The following NSD3 variants were observed in gnomAD, a reference collection of about 807,000 sequenced individuals.
NSD3 encodes the protein nuclear receptor binding SET domain protein 3.
In NSD3, 24 loss-of-function variants were observed where a neutral mutation model predicts 160.8. The observed-to-expected ratio is 0.15, with a 90% confidence interval of 0.11 to 0.21. The LOEUF is 0.21. Ranked by LOEUF, NSD3 falls within the 10% of genes least tolerant of loss-of-function variation. NSD3 has a pLI of 1.00. For missense variants in NSD3, 1,157 were observed against 1,735.9 expected, an observed-to-expected ratio of 0.67 and a Z score of 5.93; for synonymous variants, 520 against 600.0, an observed-to-expected ratio of 0.87 and a Z score of 1.95.
At chr8:38,372,799 G>T (rs1364584279) in intron 1 of NSD3, among the ~76,000 whole-genome samples, 1 of 149,268 alleles carries the variant, frequency 6.7e-6, no homozygotes, top group East Asian at 2.0e-4. Flanking sequence ...CCCGGCCGCA[G>T]GTTCTTACTA....
At chr8:38,366,602 C>T (rs556113136) in intron 1 of NSD3, among the ~76,000 whole-genome samples, 3 of 151,752 alleles carry the variant, frequency 2.0e-5, no homozygotes, top group African/African-American at 2.4e-5. Flanking sequence ...TTAGTAGAGA[C>T]GGGGTTTCAC....
In NSD3 at chr8:38,319,750, G is replaced by A. The variant is rs1809753969; in HGVS notation, c.1810-810C>T. On this transcript the variant is annotated intron_variant, in intron 8 of 23. Coordinates refer to ENST00000317025, the MANE Select transcript of NSD3 (RefSeq NM_023034.2). The surrounding 1 kb of genome is among the most constrained non-coding windows in gnomAD (Gnocchi z 4.1). ...CACATTTTGTAAATATTTAAGGATTGTTCTAAGCTTTTTAAAAAAAATTTT... is the reference window on the plus strand; with the variant it reads ...CACATTTTGTAAATATTTAAGGATTATTCTAAGCTTTTTAAAAAAAATTTT... 6.6e-6 allele frequency: 1 copy of A among 152,020 alleles called. No homozygotes were observed. The highest frequency in any genetic ancestry group is 6.6e-5 in the Admixed American group (1 of 15,258). The allele number at this position is 152,020 out of a possible 1,614,324, so 9.4% of individuals were successfully genotyped here.
At chr8:38,345,005 T>G (rs1251792758) in intron 2 of NSD3, among the ~76,000 whole-genome samples, 1 of 152,130 alleles carries the variant, frequency 6.6e-6, no homozygotes, top group Non-Finnish European at 1.5e-5. Context: ...AAACATTAAT[T>G]TATACACATC....
At chr8:38,338,109 G>T (rs1394188474) in intron 3 of NSD3, among the ~76,000 whole-genome samples, 2 of 152,058 alleles carry the variant, frequency 1.3e-5, no homozygotes, top group Non-Finnish European at 2.9e-5. Context: ...AGACCAGCCT[G>T]GCCAACACAG....
At chr8:38,333,138 C>A (rs977848215) in intron 4 of NSD3, among the ~76,000 whole-genome samples, 4 of 152,120 alleles carry the variant, frequency 2.6e-5, no homozygotes, top group African/African-American at 9.7e-5. Context: ...AAACATAGTA[C>A]ATAATGTTTC....
At chr8:38,378,330 CCT>C (rs1811448632) in intron 1 of NSD3, among the ~76,000 whole-genome samples, 1 of 151,870 alleles carries the variant, frequency 6.6e-6, no homozygotes, top group African/African-American at 2.4e-5. Flanking sequence ...ATAGTGAAAC[CCT>C]GTCTCTACTA....
intron 22 of NSD3, among the ~76,000 whole-genome samples, chr8:38,277,822 T>C (rs1808635344): frequency 6.6e-6 from 1 of 152,148 alleles, no homozygotes; most frequent in Non-Finnish European, 1.5e-5. Context: ...TGAAACAAGC[T>C]TCCTTGGAAA....
In NSD3 at chr8:38,275,100, G is replaced by C. The variant is rs553946561; in HGVS notation, c.*541C>G. The C allele has an allele frequency of 7.9e-4, 185 of 232,764 alleles. 1 individual carries two copies. The highest frequency in any genetic ancestry group is 3.9e-3 in the African/African-American group (177 of 45,432). 14.4% of individuals were successfully genotyped at this position (232,764 alleles called of 1,614,324 possible). A position where few individuals can be genotyped will look rare whatever the true frequency, so the allele number is the denominator to read the frequency against. On this transcript the variant is annotated 3_prime_UTR_variant, in exon 24 of 24. Transcript: ENST00000317025. ...ATGAAAAGCATTTTGAAGGGAAAGA[G>C]AAGTGAGCCTACCTACTGCTCAGTA...
intron 12 of NSD3, among the ~76,000 whole-genome samples, chr8:38,310,053 A>G (rs1438301819): frequency 1.3e-5 from 2 of 152,222 alleles, no homozygotes; most frequent in Non-Finnish European, 1.5e-5. Context: ...TAAAATATAT[A>G]TAACATAAAA....
intron 1 of NSD3, among the ~76,000 whole-genome samples, chr8:38,377,909 GCAA>G (rs1811434129): frequency 6.6e-6 from 1 of 151,880 alleles, no homozygotes; most frequent in African/African-American, 2.4e-5. Flanking sequence ...TCCAGCCTGG[GCAA>G]CAACAGCAAA....
chr8:38,353,120 G>A (rs1810742247), intron 1 of NSD3, among the ~76,000 whole-genome samples: 1 of 152,008 alleles, frequency 6.6e-6, no homozygotes, highest in Non-Finnish European at 1.5e-5. Context: ...TTGCTCAAGT[G>A]CACATGGCTA....
Position 38,316,056 on chromosome 8 carries a change from A to G in NSD3, c.1856-14T>C. 6.2e-6 allele frequency: 10 copies of G among 1,610,034 alleles called. No individual in the cohort carries two copies. Among genetic ancestry groups the G allele is most frequent in the Non-Finnish European group, 7.6e-6 (9 of 1,179,166 alleles). ...TCTCGCTGGCACCTTAATACAACACACTGAAATTAATCCTAAAATAGTACT... is the reference window on the plus strand; with the variant it reads ...TCTCGCTGGCACCTTAATACAACACGCTGAAATTAATCCTAAAATAGTACT... On this transcript the variant is annotated splice_polypyrimidine_tract_variant and intron_variant, in intron 9 of 23. Coordinates refer to ENST00000317025, the MANE Select transcript of NSD3 (RefSeq NM_023034.2). The surrounding 1 kb of genome is among the most constrained non-coding windows in gnomAD (Gnocchi z 4.5).
At chr8:38,289,840 C>T (rs183624355) in intron 17 of NSD3, among the ~76,000 whole-genome samples, 1 of 152,318 alleles carries the variant, frequency 6.6e-6, no homozygotes, top group East Asian at 1.9e-4. Context: ...TTGCTGGCAA[C>T]TCATTGCAAA....
chr8:38,346,886 A>C (rs1407834481), intron 2 of NSD3, among the ~76,000 whole-genome samples: 1 of 144,944 alleles, frequency 6.9e-6, no homozygotes, highest in Non-Finnish European at 1.5e-5. Context: ...CTCTTCATTT[A>C]AGCTAGAATT....
At chr8:38,360,089 G>A (rs1585922093) in intron 1 of NSD3, among the ~76,000 whole-genome samples, 1 of 149,870 alleles carries the variant, frequency 6.7e-6, no homozygotes, top group South Asian at 2.1e-4. Context: ...TCAACTTCCT[G>A]GGCTCAGGTG....
intron 19 of NSD3, among the ~76,000 whole-genome samples, chr8:38,287,984 A>G (rs1186536141): frequency 6.6e-6 from 1 of 152,086 alleles, no homozygotes; most frequent in African/African-American, 2.4e-5. Context: ...TTATAATCCC[A>G]GCACTGTGGG....
intron 1 of NSD3, among the ~76,000 whole-genome samples, chr8:38,368,246 C>T (rs1165449317): frequency 2.6e-5 from 4 of 152,220 alleles, no homozygotes; most frequent in Admixed American, 2.6e-4. Context: ...AGGTGTGAGC[C>T]ACTGCACCAG....
chr8:38,275,978 G>C, intron 23 of NSD3, 96 bp from the exon 24 acceptor site: 2 of 1,087,178 alleles, frequency 1.8e-6, no homozygotes, highest in Non-Finnish European at 2.6e-6. Flanking sequence ...TTCTCTCATT[G>C]GAGATGGAAT....
At chr8:38,282,216 G>A (rs954054589) in intron 19 of NSD3, among the ~76,000 whole-genome samples, 3 of 152,140 alleles carry the variant, frequency 2.0e-5, no homozygotes, top group African/African-American at 7.2e-5. Flanking sequence ...GCAGGCGTAG[G>A]ATCATGTAAT....
Sources: gnomAD v4.1 joint callset for allele counts (sites outside exome capture counted in the v4.1 genomes callset) on GRCh38, gnomAD v4.1.1 for gene constraint, Gnocchi (gnomAD v3.1) non-coding constraint, MANE v1.5 for transcripts, NCBI Gene and HGNC (gene_info 2026-07-23, HGNC 2026-07-21) for gene names.